Variants in HHLA2 observed in about 807,000 individuals in gnomAD.
The protein encoded by HHLA2 is HERV-H LTR-associating protein 2.
A neutral mutation model predicts 45.9 loss-of-function variants in HHLA2; 48 were observed. That is an observed-to-expected ratio of 1.05 (90% CI 0.83 to 1.33). The LOEUF (loss-of-function observed/expected upper bound fraction) is 1.33. Among genes scored for constraint, HHLA2 ranks in the 40% most tolerant of loss-of-function variants. The pLI is 0.00. For synonymous variants in HHLA2, 161 were observed against 173.9 expected (o/e 0.93, Z 0.59); for missense variants, 462 against 494.3 (o/e 0.93, Z 0.62).
intron 3 of HHLA2, among the ~76,000 whole-genome samples, chr3:108,335,881 C>T (rs552171569): frequency 2.0e-5 from 3 of 152,040 alleles, no homozygotes; most frequent in Non-Finnish European, 4.4e-5. Flanking sequence ...AATACAGTAG[C>T]TGAGTGATCC....
At chr3:108,325,697 A>G in intron 2 of HHLA2, 1 of 218,956 alleles carries the variant, frequency 4.6e-6, no homozygotes, top group South Asian at 6.4e-5. Context: ...CTACCTTCAA[A>G]ATTGTTTCTA....
chr3:108,376,379 C>A (rs2107523140), intron 9 of HHLA2, 114 bp from the exon 9 acceptor site: 1 of 728,890 alleles, frequency 1.4e-6, no homozygotes, highest in Non-Finnish European at 2.2e-6. Flanking sequence ...TAAAGATATG[C>A]AGGGAGAGTA....
chr3:108,376,218 A>T (rs969890138), intron 9 of HHLA2, among the ~76,000 whole-genome samples: 3 of 152,116 alleles, frequency 2.0e-5, no homozygotes, highest in African/African-American at 7.2e-5. Flanking sequence ...GTTGGTAGGA[A>T]CCAGGCCAAG....
chr3:108,359,791 T>A (rs997504304), intron 7 of HHLA2, among the ~76,000 whole-genome samples: 4 of 152,024 alleles, frequency 2.6e-5, no homozygotes, highest in African/African-American at 9.7e-5. Context: ...GGTACAGTAG[T>A]CCCCCCTTTC....
chr3:108,370,658 G>A (rs574025148), intron 8 of HHLA2, among the ~76,000 whole-genome samples: 1 of 152,318 alleles, frequency 6.6e-6, no homozygotes, highest in African/African-American at 2.4e-5. Context: ...GAAAACCAAG[G>A]CACGAGAACT....
At chr3:108,338,913 G>A (rs1473206092) in intron 3 of HHLA2, among the ~76,000 whole-genome samples, 3 of 152,144 alleles carry the variant, frequency 2.0e-5, no homozygotes, top group Admixed American at 2.0e-4. Context: ...TTGCCTTTTG[G>A]GCAGATGTAT....
chr3:108,362,386 T>C (rs1304061100), exon 8 of HHLA2: 1 of 1,613,200 alleles, frequency 6.2e-7, no homozygotes. Context: ...CTTATGGATT[T>C]TGGTGCCCTC....
At chr3:108,317,020 T>C in intron 2 of HHLA2, among the ~76,000 whole-genome samples, 1 of 152,210 alleles carries the variant, frequency 6.6e-6, no homozygotes, top group East Asian at 1.9e-4. Context: ...ATCATGGCTG[T>C]TGTGGACAGT....
chr3:108,324,020 A>G (rs946858286), intron 2 of HHLA2, among the ~76,000 whole-genome samples: 1 of 152,198 alleles, frequency 6.6e-6, no homozygotes, highest in Non-Finnish European at 1.5e-5. Flanking sequence ...CAGACTTAAG[A>G]TTTCAAAATG....
intron 3 of HHLA2, among the ~76,000 whole-genome samples, chr3:108,345,727 G>C (rs969038383): frequency 3.3e-5 from 5 of 152,190 alleles, no homozygotes; most frequent in Non-Finnish European, 7.3e-5. Flanking sequence ...CCTGTTTCCA[G>C]ACTCAAACAC....
At chr3:108,299,267 A>G (rs1019440845) in intron 1 of HHLA2, among the ~76,000 whole-genome samples, 3 of 151,696 alleles carry the variant, frequency 2.0e-5, no homozygotes, top group Non-Finnish European at 4.4e-5. Context: ...CAAGGAAAAT[A>G]AACTTAGTTT....
chr3:108,304,500 C>T (rs1337907845), intron 1 of HHLA2, among the ~76,000 whole-genome samples: 2 of 152,170 alleles, frequency 1.3e-5, no homozygotes, highest in Non-Finnish European at 2.9e-5. Context: ...GGACTTAAGA[C>T]ACAGCCTAAT....
chr3:108,341,183 C>T (rs1018479995), intron 3 of HHLA2, among the ~76,000 whole-genome samples: 1 of 151,914 alleles, frequency 6.6e-6, no homozygotes, highest in Non-Finnish European at 1.5e-5. Context: ...GAACTGCTGA[C>T]CTCAGGTAAT....
intron 8 of HHLA2, 121 bp downstream of exon 7, chr3:108,362,567 A>G: frequency 4.4e-6 from 3 of 674,378 alleles, no homozygotes; most frequent in East Asian, 2.7e-5. Flanking sequence ...CTGGAATGTC[A>G]TTCACAAAAT....
intron 2 of HHLA2, among the ~76,000 whole-genome samples, chr3:108,321,933 T>C (rs2107347561): frequency 6.6e-6 from 1 of 152,338 alleles, no homozygotes; most frequent in African/African-American, 2.4e-5. Flanking sequence ...TCTTATGCCA[T>C]TCTGTTCCTT....
At chr3:108,332,852 G>A (rs1290380824) in intron 3 of HHLA2, among the ~76,000 whole-genome samples, 3 of 152,088 alleles carry the variant, frequency 2.0e-5, no homozygotes, top group Non-Finnish European at 1.5e-5. Flanking sequence ...GGTTGTGTGA[G>A]CAACCTTAGA....
In HHLA2 at chr3:108,317,037, G is replaced by A. The variant is rs150394191; in HGVS notation, c.-105+6296G>A. Among the ~76,000 whole-genome samples the A allele has an allele frequency of 4.6e-4, 70 of 152,300 alleles. 1 individual carries two copies. Among genetic ancestry groups the A allele is most frequent in the Admixed American group, 2.5e-3 (39 of 15,302 alleles). Reference sequence around the variant, plus strand: ...CATGGCTGTTGTGGACAGTTATCCAGATTGAACAGTGTACTAGGCTCATGG... The same window carrying A: ...CATGGCTGTTGTGGACAGTTATCCAAATTGAACAGTGTACTAGGCTCATGG... On this transcript the variant is annotated intron_variant, in intron 2 of 10. Transcript: ENST00000619531.
intron 8 of HHLA2, among the ~76,000 whole-genome samples, chr3:108,372,286 A>G (rs1455990526): frequency 6.6e-6 from 1 of 152,002 alleles, no homozygotes; most frequent in East Asian, 1.9e-4. Context: ...AATGAGAACA[A>G]AGACACAACA....
At chr3:108,297,937 A>G (rs930894139) in intron 1 of HHLA2, among the ~76,000 whole-genome samples, 1 of 152,206 alleles carries the variant, frequency 6.6e-6, no homozygotes, top group African/African-American at 2.4e-5. Context: ...TGAGGTTGTC[A>G]TGTCAACTCT....
Sources: gnomAD v4.1 joint callset for allele counts (sites outside exome capture counted in the v4.1 genomes callset) on GRCh38, gnomAD v4.1.1 for gene constraint, MANE v1.5 for transcripts, NCBI Gene and HGNC (gene_info 2026-07-23, HGNC 2026-07-21) for gene names.